Variants in COL15A1 observed in about 807,000 individuals in gnomAD.
The protein encoded by COL15A1 is collagen alpha-1(XV) chain.
A neutral mutation model predicts 165.9 loss-of-function variants in COL15A1; 111 were observed. The observed-to-expected ratio is 0.67, with a 90% CI of 0.57 to 0.78. The LOEUF (loss-of-function observed/expected upper bound fraction) is 0.78, where lower values mean the gene tolerates loss of function less well. Among genes scored for constraint, COL15A1 ranks in the 30% least tolerant of loss-of-function variants. COL15A1 has a pLI of 0.00. For synonymous variants in COL15A1, 659 were observed against 674.8 expected (o/e 0.98, Z 0.36); for missense variants, 1,745 against 1,789.7 (o/e 0.98, Z 0.45).
At chr9:98,998,750 C>T (rs1838593137) in intron 6 of COL15A1, among the ~76,000 whole-genome samples, 1 of 152,296 alleles carries the variant, frequency 6.6e-6, no homozygotes, top group Admixed American at 6.5e-5. Flanking sequence ...ATGAGGTCCA[C>T]GTGGGGACTG....
chr9:99,012,621 A>T lies in COL15A1; in HGVS notation c.1354-2796A>T, dbSNP rs191883432. The stretch of plus-strand genomic sequence containing the variant: ...ATTTTACAAAAATACTTGCAAGAAG[A>T]GGCACCATAAAACCAACAGAGTGCC... On this transcript the variant is annotated intron_variant, in intron 9 of 41. Coordinates refer to ENST00000375001, the MANE Select transcript of COL15A1 (RefSeq NM_001855.5). 2.6e-5 allele frequency among the ~76,000 whole-genome samples: 4 copies of T among 151,674 alleles called. No individual in the cohort carries two copies. In the East Asian group the frequency reaches 7.8e-4, roughly 29 times the overall value.
chr9:99,021,605 G>A (rs761174926), intron 12 of COL15A1, among the ~76,000 whole-genome samples: 23 of 152,238 alleles, frequency 1.5e-4, no homozygotes, highest in Non-Finnish European at 2.9e-4. Context: ...CTTGTGCCAG[G>A]TGCTGGGACC....
At chr9:99,063,869 G>C (rs1825855405) in intron 39 of COL15A1, among the ~76,000 whole-genome samples, 1 of 152,068 alleles carries the variant, frequency 6.6e-6, no homozygotes, top group African/African-American at 2.4e-5. Context: ...ATGATGCCCA[G>C]GTTTCTGCTT....
chr9:98,989,971 T>C (rs1296412568), intron 5 of COL15A1, among the ~76,000 whole-genome samples: 3 of 152,200 alleles, frequency 2.0e-5, no homozygotes, highest in Non-Finnish European at 2.9e-5. Context: ...GCAGAGTCAC[T>C]AAATACAGCA....
chr9:98,964,595 A>T (rs185467872), intron 2 of COL15A1, among the ~76,000 whole-genome samples: 23 of 152,304 alleles, frequency 1.5e-4, no homozygotes, highest in African/African-American at 5.5e-4. Flanking sequence ...ACGTCATTGC[A>T]TGTGAACCAC....
chr9:99,034,107 C>T (rs183052465), intron 16 of COL15A1, among the ~76,000 whole-genome samples: 137 of 152,302 alleles, frequency 9.0e-4, no homozygotes, highest in Middle Eastern at 3.4e-3. Context: ...ACAAGAGAGC[C>T]AGTCATCATC....
rs113628613 is a variant in COL15A1 at position 98,987,315 on chromosome 9, G to A, written c.670G>A (p.Val224Met). Residue 224 changes from valine to methionine, a missense_variant, in exon 4 of 42, where the codon GTG becomes ATG. Coordinates refer to ENST00000375001, the MANE Select transcript of COL15A1 (RefSeq NM_001855.5). Reference sequence around the variant, plus strand: ...CCAGGGCTCCCTCCAGCAGCTCACCGTGCACCCCGACCCCAGGACTCCCGA... The same window carrying A: ...CCAGGGCTCCCTCCAGCAGCTCACCATGCACCCCGACCCCAGGACTCCCGA... ...RFTGSLQQLTVHPDPRTPEEL... is the reference protein window; with the variant it reads ...RFTGSLQQLTMHPDPRTPEEL... The A allele has an allele frequency of 8.1e-4, 1,302 of 1,613,286 alleles. 11 individuals are homozygous for A. In the African/African-American group the frequency reaches 0.015, roughly 19 times the overall value.
chr9:99,045,790 ATGAACATTTGAAACAT>A (rs1300481684), intron 26 of COL15A1, among the ~76,000 whole-genome samples: 1 of 152,230 alleles, frequency 6.6e-6, no homozygotes, highest in Non-Finnish European at 1.5e-5. Context: ...ACTGCCTCTA[ATGAACATTTGAAACAT>A]TGAACATTTG....
intron 6 of COL15A1, 121 bp downstream of exon 6, chr9:98,997,202 A>C: frequency 1.6e-6 from 2 of 1,258,978 alleles, no homozygotes; most frequent in Non-Finnish European, 2.2e-6. Flanking sequence ...CCCTTTAAGA[A>C]AGGGTGAGAA....
intron 11 of COL15A1, among the ~76,000 whole-genome samples, chr9:99,018,122 C>T (rs1359170629): frequency 6.6e-6 from 1 of 152,206 alleles, no homozygotes; most frequent in Admixed American, 6.5e-5. Flanking sequence ...TATCACGATG[C>T]ATCTAACAAA....
chr9:99,024,673 T>G (rs1564064891), intron 14 of COL15A1, among the ~76,000 whole-genome samples: 1 of 152,232 alleles, frequency 6.6e-6, no homozygotes, highest in Non-Finnish European at 1.5e-5. Context: ...CAAATCCCAG[T>G]TCTGCTACTA....
chr9:99,003,412 G>T (rs766096795), intron 7 of COL15A1, 41 bp from the exon 8 acceptor site: 7 of 1,405,798 alleles, frequency 5.0e-6, no homozygotes, highest in Non-Finnish European at 6.6e-6. Flanking sequence ...ATGTTGATGG[G>T]AGCCCAGAGA....
At chr9:99,044,836 G>A (rs1009780774) in intron 26 of COL15A1, 66 bp downstream of exon 26, 4 of 1,447,686 alleles carry the variant, frequency 2.8e-6, no homozygotes, top group Admixed American at 3.4e-5. Flanking sequence ...ACTTTGATTT[G>A]GTTAGATTTA....
chr9:98,966,399 T>A (rs966261256), intron 2 of COL15A1, among the ~76,000 whole-genome samples: 8 of 152,208 alleles, frequency 5.3e-5, no homozygotes, highest in African/African-American at 1.9e-4. Flanking sequence ...GATCTTACCG[T>A]TCTGCTCCTG....
chr9:99,059,944 CA>C lies in COL15A1; in HGVS notation c.3394del (p.Arg1132GlufsTer21). 1 of 1,613,948 alleles carries C rather than the reference CA, an allele frequency of 6.2e-7. No individual in the cohort carries two copies. The highest frequency in any genetic ancestry group is 8.5e-7 in the Non-Finnish European group (1 of 1,179,936). ...CAGGACAGCCAGGGCTTCCCGGATC[CA>C]GAAACCTGGTCAGTATTATCATCAG... ...PPGQPGLPGS[R>X]NLVTAFSNMD... is the part of the protein sequence containing the mutation. On this transcript the variant is annotated frameshift_variant, in exon 36 of 42. Transcript: ENST00000375001. LOFTEE classifies it high-confidence loss of function.
At chr9:99,058,070 G>T (rs1156394645) in intron 35 of COL15A1, among the ~76,000 whole-genome samples, 1 of 152,178 alleles carries the variant, frequency 6.6e-6, no homozygotes, top group African/African-American at 2.4e-5. Flanking sequence ...GGATTCTCTG[G>T]CCATCTCTTG....
intron 5 of COL15A1, among the ~76,000 whole-genome samples, chr9:98,995,737 T>C (rs151175387): frequency 7.7e-4 from 117 of 152,360 alleles, no homozygotes; most frequent in Admixed American, 2.1e-3. Flanking sequence ...CTCTGGGTGT[T>C]AGGACTCAAG....
At chr9:99,065,954 C>A (rs1208245631) in intron 39 of COL15A1, among the ~76,000 whole-genome samples, 4 of 151,776 alleles carry the variant, frequency 2.6e-5, no homozygotes. Flanking sequence ...GGGTAGAAAC[C>A]AGGAGAGAAA....
At chr9:99,042,892 C>T (rs1839433830) in intron 24 of COL15A1, among the ~76,000 whole-genome samples, 1 of 152,144 alleles carries the variant, frequency 6.6e-6, no homozygotes, top group East Asian at 1.9e-4. Flanking sequence ...TTAATATATT[C>T]ACTCGTCCAT....
Sources: allele counts gnomAD v4.1 joint callset (sites outside exome capture counted in the v4.1 genomes callset), GRCh38; gene constraint gnomAD v4.1.1; transcripts MANE v1.5; gene names NCBI Gene and HGNC (gene_info 2026-07-23, HGNC 2026-07-21).